Variants in MBOAT2 observed in about 807,000 individuals in gnomAD.
MBOAT2 encodes the protein membrane-bound glycerophospholipid O-acyltransferase 2.
In MBOAT2, 28 loss-of-function variants were observed where a neutral mutation model predicts 63.4. The observed-to-expected ratio is 0.44, with a 90% CI of 0.33 to 0.61. The LOEUF (loss-of-function observed/expected upper bound fraction) is 0.61. Among genes scored for constraint, MBOAT2 ranks in the 20% least tolerant of loss-of-function variants. The pLI is 0.03. For missense variants in MBOAT2, 470 were observed against 605.8 expected (o/e 0.78, Z 2.35); for synonymous variants, 211 against 215.6 (o/e 0.98, Z 0.19).
chr2:8,951,092 T>G (rs1264556393), intron 2 of MBOAT2, among the ~76,000 whole-genome samples: 1 of 152,156 alleles, frequency 6.6e-6, no homozygotes, highest in Non-Finnish European at 1.5e-5. Context: ...TTTCTTTCTT[T>G]GTTGTGTCTG....
intron 4 of MBOAT2, among the ~76,000 whole-genome samples, chr2:8,904,063 A>G (rs910803868): frequency 6.6e-6 from 1 of 151,590 alleles, no homozygotes; most frequent in Non-Finnish European, 1.5e-5. Context: ...TGCAACCTCC[A>G]CCTCCTGGGT....
rs140157923 is a variant in MBOAT2 at position 8,999,020 on chromosome 2, G to A, written c.75+4520C>T. ...TCTGTGTGAAACAGCTTTGAAAACT[G>A]TATTAAGTGTTAGACATTATAATTA... On this transcript the variant is annotated intron_variant, in intron 1 of 12. Transcript: ENST00000305997. Among the ~76,000 whole-genome samples, 508 of 152,254 alleles carry A rather than the reference G, an allele frequency of 3.3e-3. 2 individuals carry two copies. Among genetic ancestry groups the A allele is most frequent in the Non-Finnish European group, 5.2e-3 (354 of 68,018 alleles).
intron 6 of MBOAT2, among the ~76,000 whole-genome samples, chr2:8,878,846 G>A (rs1662893853): frequency 6.6e-6 from 1 of 152,106 alleles, no homozygotes; most frequent in African/African-American, 2.4e-5. Flanking sequence ...GGAGGCCGAG[G>A]CGGGCGGATC....
intron 8 of MBOAT2, 67 bp downstream of exon 8, chr2:8,873,041 G>T: frequency 1.4e-6 from 2 of 1,437,736 alleles, no homozygotes; most frequent in Non-Finnish European, 1.9e-6. Flanking sequence ...CGCACTGATA[G>T]CAATCTATCG....
At chr2:8,955,120 G>A (rs2103267398) in intron 2 of MBOAT2, among the ~76,000 whole-genome samples, 1 of 152,310 alleles carries the variant, frequency 6.6e-6, no homozygotes, top group Non-Finnish European at 1.5e-5. Context: ...TCCAGAGCAG[G>A]TGCTCTAATC....
At chr2:8,906,587 G>A (rs976402026) in intron 4 of MBOAT2, among the ~76,000 whole-genome samples, 1 of 152,218 alleles carries the variant, frequency 6.6e-6, no homozygotes, top group Non-Finnish European at 1.5e-5. Flanking sequence ...TTGAGCCACT[G>A]AAATAATGTT....
At chr2:8,872,270 A>G (rs1207572947) in intron 8 of MBOAT2, among the ~76,000 whole-genome samples, 1 of 152,102 alleles carries the variant, frequency 6.6e-6, no homozygotes, top group East Asian at 1.9e-4. Flanking sequence ...TGTTTTTGAG[A>G]CTACCTAGGG....
At position 8,860,666 on chromosome 2, in the gene MBOAT2, G is replaced by GT; in HGVS notation, c.1283dup (p.Tyr428Ter). The change falls in exon 12 of 13, where the codon TAC becomes TAAC. Residue 428 changes from tyrosine to a stop codon, truncating the protein, a stop_gained and frameshift_variant. Coordinates refer to ENST00000305997, the MANE Select transcript of MBOAT2 (RefSeq NM_138799.4). LOFTEE classifies it high-confidence loss of function. ...TWIVTQVAIS[Y>*]TVVPFVLLSI... ...AAAGAAGCACAAATGGCACAACTGT[G>GT]TAACTTATTGCTACTTGAGTTACTA... is the stretch of plus-strand genomic sequence containing the variant. 6.2e-7 allele frequency: 1 copy of GT among 1,613,464 alleles called. No individual in the cohort carries two copies. The highest frequency in any genetic ancestry group is 8.5e-7 in the Non-Finnish European group (1 of 1,179,718).
intron 3 of MBOAT2, among the ~76,000 whole-genome samples, chr2:8,941,084 C>A (rs1668018148): frequency 6.6e-6 from 1 of 150,990 alleles, no homozygotes. Flanking sequence ...TGAGCATATT[C>A]AGATAATAAG....
At chr2:8,872,177 G>A (rs1284550436) in intron 8 of MBOAT2, among the ~76,000 whole-genome samples, 2 of 152,168 alleles carry the variant, frequency 1.3e-5, no homozygotes, top group African/African-American at 2.4e-5. Context: ...CACGCAAAGC[G>A]AGGTACCTCC....
At chr2:8,875,261 C>G (rs1662624261) in intron 7 of MBOAT2, among the ~76,000 whole-genome samples, 1 of 152,062 alleles carries the variant, frequency 6.6e-6, no homozygotes, top group African/African-American at 2.4e-5. Context: ...AAAGTATATG[C>G]ACGTGAAATT....
At chr2:8,924,610 C>T (rs1335663953) in intron 3 of MBOAT2, among the ~76,000 whole-genome samples, 1 of 152,034 alleles carries the variant, frequency 6.6e-6, no homozygotes, top group Non-Finnish European at 1.5e-5. Flanking sequence ...CAAATAATGA[C>T]ACTGATACAT....
chr2:8,897,261 G>A (rs879290122), intron 4 of MBOAT2, among the ~76,000 whole-genome samples: 8 of 150,928 alleles, frequency 5.3e-5, no homozygotes, highest in Non-Finnish European at 1.0e-4. Context: ...CTCTTTCTCT[G>A]ACTTTCTGTC....
intron 1 of MBOAT2, among the ~76,000 whole-genome samples, chr2:8,991,309 G>C (rs542903173): frequency 6.6e-6 from 1 of 152,102 alleles, no homozygotes; most frequent in African/African-American, 2.4e-5. Context: ...AAATAGCCTT[G>C]ACAATGTAAA....
chr2:8,855,182 G>A lies in MBOAT2; in HGVS notation c.*3497C>T, dbSNP rs1661000967. 1 of 152,238 alleles carries A rather than the reference G, an allele frequency of 6.6e-6. No homozygotes were observed. The highest frequency in any genetic ancestry group is 2.4e-5 in the African/African-American group (1 of 41,460). The allele number at this position is 152,238 out of a possible 1,614,324, so 9.4% of individuals were successfully genotyped here. A position where few individuals can be genotyped will look rare whatever the true frequency, so the allele number is the denominator to read the frequency against. ...GCTCAAGTAGTAAGTCAATGACCAT[G>A]ACAATAGTGTGGACTGTGAATGTGC... On this transcript the variant is annotated 3_prime_UTR_variant, in exon 13 of 13. Transcript: ENST00000305997.
At chr2:8,965,970 T>C (rs192842890) in intron 1 of MBOAT2, among the ~76,000 whole-genome samples, 223 of 152,254 alleles carry the variant, frequency 1.5e-3, no homozygotes, top group African/African-American at 4.8e-3. Flanking sequence ...AAAAAATCAA[T>C]TGTTACATCC....
rs138960967 is a variant in MBOAT2, at chr2:8,944,869, G to T, written c.222-1605C>A. Among the ~76,000 whole-genome samples, 11 of 152,194 alleles carry T rather than the reference G, an allele frequency of 7.2e-5. No homozygotes were observed. The East Asian group carries it at 2.1e-3, about 29-fold the overall frequency. ...AATTCACTGGCTGACTCCTGACTTC[G>T]TGCGAAAGGTGACAAGGTCTGCTAG... On this transcript the variant is annotated intron_variant, in intron 2 of 12. Transcript: ENST00000305997.
At chr2:8,906,191 C>G (rs1276939251) in intron 4 of MBOAT2, among the ~76,000 whole-genome samples, 1 of 152,202 alleles carries the variant, frequency 6.6e-6, no homozygotes. Context: ...CCAGGTGATC[C>G]ACCTGCCTTG....
At chr2:8,988,527 GAA>G (rs1671714927) in intron 1 of MBOAT2, among the ~76,000 whole-genome samples, 1 of 152,152 alleles carries the variant, frequency 6.6e-6, no homozygotes, top group African/African-American at 2.4e-5. Context: ...TGAGTATTGA[GAA>G]AGGATTCATT....
Sources: allele counts gnomAD v4.1 joint callset (sites outside exome capture counted in the v4.1 genomes callset), GRCh38; gene constraint gnomAD v4.1.1; transcripts MANE v1.5; gene names NCBI Gene and HGNC (gene_info 2026-07-23, HGNC 2026-07-21).